SMARCA2: variants seen among roughly 807,000 people sequenced by gnomAD.
SMARCA2 encodes the protein SWI/SNF-related matrix-associated actin-dependent regulator of chromatin subfamily A member 2.
SMARCA2 carries 61 observed loss-of-function variants against 199.8 expected under a neutral mutation model. That is an observed-to-expected ratio of 0.31 (90% CI 0.25 to 0.38). The LOEUF (loss-of-function observed/expected upper bound fraction) is 0.38. Ranked by LOEUF, SMARCA2 falls within the 10% of genes least tolerant of loss-of-function variation. The pLI, the probability that SMARCA2 is intolerant of heterozygous loss-of-function variation, is 1.00. For missense variants in SMARCA2, 1,344 were observed against 2,012.2 expected (o/e 0.67, Z 6.35); for synonymous variants, 935 against 732.0 (o/e 1.28, Z -4.48).
At chr9:2,178,009 A>C (rs1826738249) in intron 29 of SMARCA2, among the ~76,000 whole-genome samples, 1 of 149,432 alleles carries the variant, frequency 6.7e-6, no homozygotes, top group African/African-American at 2.5e-5. Flanking sequence ...TGGTTTGTGG[A>C]GGTAATGAGG....
chr9:2,077,489 A>C, intron 13 of SMARCA2, 140 bp from the exon 14 acceptor site: 1 of 738,104 alleles, frequency 1.4e-6, no homozygotes, highest in Non-Finnish European at 2.3e-6. Flanking sequence ...AGTGTATATT[A>C]ACTGCATGGC....
intron 19 of SMARCA2, among the ~76,000 whole-genome samples, chr9:2,092,262 C>G (rs544290556): frequency 1.3e-5 from 2 of 152,208 alleles, no homozygotes; most frequent in African/African-American, 4.8e-5. Context: ...CTGAGGTTAA[C>G]TAGAGGTTGA....
At chr9:2,072,884 G>A (rs1427934993) in intron 10 of SMARCA2, among the ~76,000 whole-genome samples, 1 of 152,170 alleles carries the variant, frequency 6.6e-6, no homozygotes, top group African/African-American at 2.4e-5. Flanking sequence ...TCCTGGCATT[G>A]TTGCCACTGT....
chr9:2,149,050 GCCT>G (rs1824908776), intron 27 of SMARCA2, among the ~76,000 whole-genome samples: 1 of 151,500 alleles, frequency 6.6e-6, no homozygotes, highest in African/African-American at 2.4e-5. Flanking sequence ...AGTAAAACCT[GCCT>G]GTATTAGTCT....
In SMARCA2 at chr9:2,104,967, G is replaced by C. The variant is rs758099769; in HGVS notation, c.3292+798G>C. Among the ~76,000 whole-genome samples, 11 of 152,118 alleles carry C rather than the reference G, an allele frequency of 7.2e-5. No individual in the cohort carries two copies. Among genetic ancestry groups the C allele is most frequent in the Non-Finnish European group, 1.5e-4 (10 of 68,004 alleles). On this transcript the variant is annotated intron_variant, in intron 23 of 33. Transcript: ENST00000349721. This position sits in a 1 kb window ranked among gnomAD's most constrained non-coding sequence, Gnocchi z 4.0. ...CTATTTAATCCCTGGGTAGAAAAGA[G>C]GATACTGCTAATACCAGTATTTATC...
chr9:2,170,452 G>T lies in SMARCA2; in HGVS notation c.4233G>T (p.Gln1411His). 1 of 1,614,090 alleles carries T rather than the reference G, an allele frequency of 6.2e-7. No homozygotes were observed. Among genetic ancestry groups the T allele is most frequent in the Non-Finnish European group, 8.5e-7 (1 of 1,179,982 alleles). The change falls in exon 29 of 34, where the codon CAG becomes CAT. Residue 1411 changes from glutamine to histidine, a missense_variant. Physicochemically the swap from Gln to His is conservative, Grantham distance 24 (BLOSUM62 0). Coordinates refer to ENST00000349721, the MANE Select transcript of SMARCA2 (RefSeq NM_003070.5). This position sits in a 1 kb window ranked among gnomAD's most constrained non-coding sequence, Gnocchi z 4.7. ...TGGAGAAGGTGCCCAGTAATTCTCA[G>T]TTGGAAATAGAAGGAAACAGGTCAG... ...CNVEKVPSNSQLEIEGNSSGR... is the reference protein window; with the variant it reads ...CNVEKVPSNSHLEIEGNSSGR...
intron 22 of SMARCA2, among the ~76,000 whole-genome samples, chr9:2,102,543 T>C (rs1822566730): frequency 6.6e-6 from 1 of 152,212 alleles, no homozygotes; most frequent in South Asian, 2.1e-4. Context: ...TGGCAAGTTT[T>C]CCAAACAGTA....
chr9:2,175,314 C>CA (rs534312120), intron 29 of SMARCA2, among the ~76,000 whole-genome samples: 7 of 149,894 alleles, frequency 4.7e-5, no homozygotes, highest in African/African-American at 1.7e-4. Flanking sequence ...CCCGCCCCCC[C>CA]CCAACAATAC....
At chr9:2,061,063 A>C (rs1820570388) in intron 9 of SMARCA2, 77 bp downstream of exon 9, 2 of 1,339,976 alleles carry the variant, frequency 1.5e-6, no homozygotes, top group Admixed American at 2.2e-5. Context: ...ATTGCTCTTT[A>C]AGTACTACTT....
At chr9:2,129,879 G>A (rs908921358) in intron 27 of SMARCA2, among the ~76,000 whole-genome samples, 2 of 152,058 alleles carry the variant, frequency 1.3e-5, no homozygotes, top group African/African-American at 4.8e-5. Flanking sequence ...TTTGAGGCAG[G>A]ATCTCACTCT....
intron 28 of SMARCA2, among the ~76,000 whole-genome samples, chr9:2,163,750 C>T (rs983424033): frequency 7.8e-4 from 118 of 152,252 alleles, no homozygotes; most frequent in African/African-American, 2.8e-3. Flanking sequence ...TGTTATAACA[C>T]TGAGAAGGGC....
chr9:2,060,118 C>CAAAAAAAAAAAAA (rs372329238), intron 8 of SMARCA2, among the ~76,000 whole-genome samples: 15 of 62,406 alleles, frequency 2.4e-4, no homozygotes, highest in African/African-American at 5.8e-4. Context: ...GATCTGTGGC[C>CAAAAAAAAAAAAA]AAAAAAAAAA....
chr9:2,049,189 A>G (rs559479421), intron 5 of SMARCA2, among the ~76,000 whole-genome samples: 6 of 152,252 alleles, frequency 3.9e-5, no homozygotes, highest in Admixed American at 3.3e-4. Context: ...TCTTTCCCTT[A>G]TTCAGCCTGG....
intron 26 of SMARCA2, among the ~76,000 whole-genome samples, chr9:2,122,540 G>A (rs944995982): frequency 6.6e-6 from 1 of 152,094 alleles, no homozygotes; most frequent in African/African-American, 2.4e-5. Flanking sequence ...ATCAACCAAT[G>A]GGACTTCACC....
At chr9:2,132,385 C>G (rs1433981330) in intron 27 of SMARCA2, among the ~76,000 whole-genome samples, 2 of 152,142 alleles carry the variant, frequency 1.3e-5, no homozygotes, top group East Asian at 3.8e-4. Flanking sequence ...TTTCTCCTGA[C>G]AGCATTAGTG....
chr9:2,078,449 G>A (rs546418628), intron 14 of SMARCA2, among the ~76,000 whole-genome samples: 4 of 151,906 alleles, frequency 2.6e-5, no homozygotes, highest in Admixed American at 6.5e-5. Flanking sequence ...TCCAGCCTGG[G>A]TGACAAAGTG....
intron 25 of SMARCA2, among the ~76,000 whole-genome samples, chr9:2,118,138 A>C (rs1387364307): frequency 6.6e-6 from 1 of 152,180 alleles, no homozygotes; most frequent in Non-Finnish European, 1.5e-5. Context: ...GTGTGGTTCT[A>C]GGAAGAAAGT....
rs76209339 is a variant in SMARCA2 at position 2,115,500 on chromosome 9, C to T, written c.3457-322C>T. On this transcript the variant is annotated intron_variant, in intron 24 of 33. Coordinates refer to ENST00000349721, the MANE Select transcript of SMARCA2 (RefSeq NM_003070.5). The surrounding 1 kb of genome is among the most constrained non-coding windows in gnomAD (Gnocchi z 6.0). ...TGTAAGTCATAATTCTGACATTGGA[C>T]ATTGGTGTCTTGTTTAATGTTTTAG... Among the ~76,000 whole-genome samples, 54 of 152,268 alleles carry T rather than the reference C, an allele frequency of 3.5e-4. No individual in the cohort carries two copies. In the East Asian group the frequency reaches 9.7e-3, roughly 27 times the overall value.
intron 27 of SMARCA2, among the ~76,000 whole-genome samples, chr9:2,144,373 T>G (rs10964970): frequency 0.76 from 115,259 of 152,040 alleles, 44,416 homozygotes; most frequent in African/African-American, 0.91. Flanking sequence ...CTTGTGTCCT[T>G]CGCTGGATGG....
Sources: gnomAD v4.1 joint callset for allele counts (sites outside exome capture counted in the v4.1 genomes callset) on GRCh38, gnomAD v4.1.1 for gene constraint, Gnocchi (gnomAD v3.1) non-coding constraint, MANE v1.5 for transcripts, NCBI Gene and HGNC (gene_info 2026-07-23, HGNC 2026-07-21) for gene names.